Variants in NRG3 observed in about 807,000 individuals in gnomAD.
NRG3 encodes neuregulin 3.
A neutral mutation model predicts 66.9 loss-of-function variants in NRG3; 31 were observed. That is an observed-to-expected ratio of 0.46 (90% CI 0.35 to 0.63). NRG3 has a LOEUF of 0.63. NRG3 is among the 20% of genes least tolerant of loss of function. NRG3 has a pLI of 0.00. For synonymous variants in NRG3, 393 were observed against 359.4 expected, an observed-to-expected ratio of 1.09 and a Z score of -1.06; for missense variants, 910 against 878.9, an observed-to-expected ratio of 1.04 and a Z score of -0.45.
At chr10:82,060,711 T>C (rs1440162192) in intron 1 of NRG3, among the ~76,000 whole-genome samples, 2 of 152,190 alleles carry the variant, frequency 1.3e-5, no homozygotes, top group Non-Finnish European at 2.9e-5. Context: ...TTCACCTTGT[T>C]CTTTGTTAGT....
chr10:82,321,827 T>C (rs1351909743), intron 1 of NRG3, among the ~76,000 whole-genome samples: 1 of 152,174 alleles, frequency 6.6e-6, no homozygotes, highest in African/African-American at 2.4e-5. Flanking sequence ...TTTTTCTCCC[T>C]CTAGTTAACA....
chr10:82,762,006 CTTTCTTTCTTTCT>C (rs912949232), intron 3 of NRG3, among the ~76,000 whole-genome samples: 10 of 131,862 alleles, frequency 7.6e-5, no homozygotes, highest in East Asian at 4.4e-4. Context: ...TCCTTTCTCT[CTTTCTTTCTTTCT>C]TTTCTTTCTT....
chr10:82,752,828 T>G (rs1216227356), intron 3 of NRG3, among the ~76,000 whole-genome samples: 1 of 152,176 alleles, frequency 6.6e-6, no homozygotes, highest in Admixed American at 6.6e-5. Context: ...GCCAGCACTT[T>G]GATCTTGGAC....
chr10:82,705,841 C>T (rs1015985924), intron 2 of NRG3, among the ~76,000 whole-genome samples: 2 of 152,194 alleles, frequency 1.3e-5, no homozygotes, highest in Non-Finnish European at 2.9e-5. Context: ...TTCCCATTCA[C>T]GTTTCTTAGA....
chr10:82,893,163 T>A (rs565878309), intron 4 of NRG3, among the ~76,000 whole-genome samples: 97 of 152,150 alleles, frequency 6.4e-4, no homozygotes, highest in Non-Finnish European at 7.3e-4. Flanking sequence ...CAGATACTGT[T>A]TCCAGGAACA....
chr10:82,323,382 A>G lies in NRG3; in HGVS notation c.824-35357A>G, dbSNP rs565289737. ...AGGGTGGGGCTTAGTCATGGTTCAA[A>G]GAAAAATAAATTGAAATAATCGTAT... is the stretch of plus-strand genomic sequence containing the variant. On this transcript the variant is annotated intron_variant, in intron 1 of 8. Coordinates refer to ENST00000372141, the MANE Select transcript of NRG3 (RefSeq NM_001010848.4). 1.7e-3 allele frequency among the ~76,000 whole-genome samples: 262 copies of G among 152,350 alleles called. 8 individuals carry two copies. In the South Asian group the frequency reaches 0.052, roughly 31 times the overall value.
chr10:82,233,044 G>C, intron 1 of NRG3: 1 of 508,952 alleles, frequency 2.0e-6, no homozygotes, highest in Non-Finnish European at 3.5e-6. Flanking sequence ...GTTAGTTTGC[G>C]TGCTTCAGGC....
At chr10:82,878,989 G>A (rs1330673357) in intron 4 of NRG3, among the ~76,000 whole-genome samples, 1 of 152,126 alleles carries the variant, frequency 6.6e-6, no homozygotes, top group African/African-American at 2.4e-5. Context: ...TTATCTGCAC[G>A]TGGTTGATTC....
chr10:82,894,207 A>T (rs1181558348), intron 4 of NRG3, among the ~76,000 whole-genome samples: 1 of 152,246 alleles, frequency 6.6e-6, no homozygotes, highest in African/African-American at 2.4e-5. Flanking sequence ...AGATAATATC[A>T]CTTGATCATT....
chr10:82,111,427 G>T (rs1447753384), intron 1 of NRG3, among the ~76,000 whole-genome samples: 1 of 152,026 alleles, frequency 6.6e-6, no homozygotes, highest in Non-Finnish European at 1.5e-5. Context: ...ATACAAACAC[G>T]ACCGAGTGCT....
At chr10:82,349,143 G>A (rs1451981735) in intron 1 of NRG3, among the ~76,000 whole-genome samples, 1 of 151,720 alleles carries the variant, frequency 6.6e-6, no homozygotes, top group East Asian at 2.0e-4. Flanking sequence ...GAGGCGCTCT[G>A]CTTTTTAGAG....
chr10:82,231,701 A>G (rs1031333770), intron 1 of NRG3, among the ~76,000 whole-genome samples: 5 of 152,198 alleles, frequency 3.3e-5, no homozygotes, highest in Non-Finnish European at 7.3e-5. Context: ...AAGAAAACAT[A>G]TTAGTTGCAG....
chr10:82,434,382 T>C (rs1191048761), intron 2 of NRG3, among the ~76,000 whole-genome samples: 2 of 152,156 alleles, frequency 1.3e-5, no homozygotes, highest in Non-Finnish European at 2.9e-5. Flanking sequence ...TACAAAATCA[T>C]GTTGTCCGCA....
intron 2 of NRG3, among the ~76,000 whole-genome samples, chr10:82,434,163 C>T (rs2089990113): frequency 6.6e-6 from 1 of 152,134 alleles, no homozygotes; most frequent in Admixed American, 6.5e-5. Flanking sequence ...AGGTCCTTCA[C>T]ATCCCATGTT....
intron 2 of NRG3, among the ~76,000 whole-genome samples, chr10:82,545,298 T>C (rs980594881): frequency 6.6e-6 from 1 of 152,118 alleles, no homozygotes; most frequent in African/African-American, 2.4e-5. Flanking sequence ...TCATATTTCT[T>C]AAATTATTAT....
At chr10:82,116,181 A>G (rs1051906773) in intron 1 of NRG3, among the ~76,000 whole-genome samples, 24 of 152,210 alleles carry the variant, frequency 1.6e-4, no homozygotes, top group African/African-American at 5.3e-4. Flanking sequence ...TTTTTTTAGT[A>G]GTTAGATCCA....
chr10:82,339,756 G>A (rs1246350749), intron 1 of NRG3, among the ~76,000 whole-genome samples: 1 of 151,292 alleles, frequency 6.6e-6, no homozygotes, highest in African/African-American at 2.4e-5. Flanking sequence ...TTGTCTTCTT[G>A]GTCCTTAACA....
chr10:82,696,652 C>G (rs150863959), intron 2 of NRG3, among the ~76,000 whole-genome samples: 1,625 of 152,174 alleles, frequency 0.011, 25 homozygotes, highest in African/African-American at 0.037. Flanking sequence ...CCTGAGAAGG[C>G]CAAGCACATG....
At chr10:82,083,448 G>A (rs1400196330) in intron 1 of NRG3, among the ~76,000 whole-genome samples, 3 of 151,988 alleles carry the variant, frequency 2.0e-5, no homozygotes, top group Non-Finnish European at 2.9e-5. Flanking sequence ...TCATACCTGG[G>A]GATACAGATT....
Sources: allele counts gnomAD v4.1 joint callset (sites outside exome capture counted in the v4.1 genomes callset), GRCh38; gene constraint gnomAD v4.1.1; transcripts MANE v1.5; gene names NCBI Gene and HGNC (gene_info 2026-07-23, HGNC 2026-07-21).